Variants in NT5M observed in about 807,000 individuals in gnomAD.
NT5M encodes the protein 5'(3')-deoxyribonucleotidase, mitochondrial.
A neutral mutation model predicts 22.2 loss-of-function variants in NT5M; 22 were observed. The observed-to-expected ratio is 0.99, with a 90% CI of 0.71 to 1.41. NT5M has a LOEUF of 1.41. Ranked by LOEUF, NT5M falls within the 40% of genes most tolerant of loss-of-function variation. The pLI, the probability that NT5M is intolerant of heterozygous loss-of-function variation, is 0.00. For synonymous variants in NT5M, 167 were observed against 133.0 expected (o/e 1.26, Z -1.76); for missense variants, 322 against 314.8 (o/e 1.02, Z -0.17).
At position 17,341,794 on chromosome 17, in the gene NT5M, G is replaced by A. The variant is rs549527898; in HGVS notation, c.430-3000G>A. On this transcript the variant is annotated intron_variant, in intron 3 of 4. Transcript: ENST00000389022. ...GCCTGTAATCCCAGCACTTTGGGAGGCCACGGTGGGCGGATCACAAGGTCA... is the reference window on the plus strand; with the variant it reads ...GCCTGTAATCCCAGCACTTTGGGAGACCACGGTGGGCGGATCACAAGGTCA... 2.0e-5 allele frequency among the ~76,000 whole-genome samples: 3 copies of A among 152,326 alleles called. No homozygotes were observed. The South Asian group carries it at 6.2e-4, about 32-fold the overall frequency.
intron 2 of NT5M, among the ~76,000 whole-genome samples, chr17:17,315,983 C>T (rs2049019004): frequency 6.6e-6 from 1 of 151,796 alleles, no homozygotes; most frequent in Non-Finnish European, 1.5e-5. Flanking sequence ...TCTCGATCTC[C>T]TGACCTTGTG....
intron 2 of NT5M, among the ~76,000 whole-genome samples, chr17:17,322,363 C>T (rs1387350707): frequency 1.3e-5 from 2 of 151,968 alleles, no homozygotes; most frequent in Non-Finnish European, 2.9e-5. Context: ...GGGAGGTGCT[C>T]CCTTCGTGTG....
intron 3 of NT5M, among the ~76,000 whole-genome samples, chr17:17,328,888 A>G (rs1429964755): frequency 1.3e-5 from 2 of 152,194 alleles, no homozygotes; most frequent in Non-Finnish European, 2.9e-5. Flanking sequence ...ATAGTTAACA[A>G]TAGCCAAGCT....
intron 3 of NT5M, among the ~76,000 whole-genome samples, chr17:17,334,312 G>GT (rs1322352291): frequency 1.3e-5 from 2 of 150,514 alleles, no homozygotes; most frequent in Admixed American, 6.6e-5. Flanking sequence ...AAAATGGAGA[G>GT]GTTTTTTTTT....
intron 2 of NT5M, among the ~76,000 whole-genome samples, chr17:17,312,572 A>G (rs1381153476): frequency 7.0e-6 from 1 of 143,870 alleles, no homozygotes; most frequent in Non-Finnish European, 1.5e-5. Context: ...TGCACCTGGG[A>G]GGTGGAGGCT....
At position 17,347,474 on chromosome 17, in the gene NT5M, A is replaced by G. The variant is rs1242362017; in HGVS notation, c.*527A>G. The stretch of plus-strand genomic sequence containing the variant: ...CCACATGACCTTCTGTGTATTCAGC[A>G]AACACTCACTAGGTGACAGCGGCCA... On this transcript the variant is annotated 3_prime_UTR_variant, in exon 5 of 5. Transcript: ENST00000389022. The G allele has an allele frequency of 1.3e-5, 2 of 158,896 alleles. No individual in the cohort carries two copies. Among genetic ancestry groups the G allele is most frequent in the East Asian group, 1.9e-4 (1 of 5,224 alleles). The allele number at this position is 158,896 out of a possible 1,614,324, so 9.8% of individuals were successfully genotyped here.
intron 1 of NT5M, among the ~76,000 whole-genome samples, chr17:17,304,636 T>A (rs2048755020): frequency 6.6e-6 from 1 of 152,190 alleles, no homozygotes; most frequent in South Asian, 2.1e-4. Flanking sequence ...GCCCGTTTTT[T>A]AGCCACAAGT....
chr17:17,313,512 T>A (rs2048962128), intron 2 of NT5M, among the ~76,000 whole-genome samples: 2 of 152,144 alleles, frequency 1.3e-5, no homozygotes, highest in Admixed American at 1.3e-4. Flanking sequence ...TAACTGTGTA[T>A]CTGGTGCTGA....
In NT5M at chr17:17,303,729, G is replaced by A; in HGVS notation, c.179G>A (p.Arg60His). The change falls in exon 1 of 5, where the codon CGC (arginine) becomes CAC (histidine). Residue 60 changes from arginine to histidine, a missense_variant. By Grantham distance (29) the Arg-to-His change is conservative. Transcript: ENST00000389022. ...EGGFLRKFRA[R>H]FPDQPFIALE... ...GGATTCCTCAGGAAGTTCCGCGCGCGCTTTCCCGACCAGCCCTTCATCGCG... is the reference window on the plus strand; with the variant it reads ...GGATTCCTCAGGAAGTTCCGCGCGCACTTTCCCGACCAGCCCTTCATCGCG... The A allele has an allele frequency of 6.3e-7, 1 of 1,591,022 alleles. No individual in the cohort carries two copies. The highest frequency in any genetic ancestry group is 1.1e-5 in the South Asian group (1 of 88,116).
At chr17:17,329,656 G>A (rs2049335498) in intron 3 of NT5M, among the ~76,000 whole-genome samples, 1 of 152,088 alleles carries the variant, frequency 6.6e-6, no homozygotes, top group African/African-American at 2.4e-5. Flanking sequence ...CTGATTCGAC[G>A]TTGATTTTTA....
chr17:17,306,595 C>G lies in NT5M; in HGVS notation c.320C>G (p.Pro107Arg). Residue 107 changes from proline (P) to arginine (R), a missense_variant, in exon 2 of 5, where the codon CCT (proline) becomes CGT (arginine). Pro to Arg is a moderately radical substitution (Grantham distance 103, BLOSUM62 -2). Coordinates refer to ENST00000389022, the MANE Select transcript of NT5M (RefSeq NM_020201.4). The stretch of plus-strand genomic sequence containing the variant: ...AAGAATTTCTTTTTTGAACTTGAGC[C>G]TCTGCCAGGGGCCGTGGAAGCTGTC... Reference protein sequence around the residue: ...ESKNFFFELEPLPGAVEAVKE... With the variant: ...ESKNFFFELERLPGAVEAVKE... The G allele has an allele frequency of 6.2e-7, 1 of 1,614,046 alleles. No homozygotes were observed. The highest frequency in any genetic ancestry group is 8.5e-7 in the Non-Finnish European group (1 of 1,179,996).
chr17:17,304,760 C>T (rs1168571204), intron 1 of NT5M, among the ~76,000 whole-genome samples: 1 of 152,178 alleles, frequency 6.6e-6, no homozygotes, highest in Admixed American at 6.5e-5. Flanking sequence ...AAACCCAAGT[C>T]TGTCTGCCTC....
At chr17:17,307,705 A>G (rs2048835305) in intron 2 of NT5M, among the ~76,000 whole-genome samples, 1 of 152,062 alleles carries the variant, frequency 6.6e-6, no homozygotes, top group Non-Finnish European at 1.5e-5. Context: ...AAATATAAAA[A>G]CTTAGCTGGG....
At chr17:17,340,269 A>G (rs2049609529) in intron 3 of NT5M, among the ~76,000 whole-genome samples, 1 of 152,182 alleles carries the variant, frequency 6.6e-6, no homozygotes, top group Non-Finnish European at 1.5e-5. Flanking sequence ...ATTGGCATGT[A>G]GTTGCCCATA....
At chr17:17,316,449 C>G (rs945888857) in intron 2 of NT5M, among the ~76,000 whole-genome samples, 1 of 151,472 alleles carries the variant, frequency 6.6e-6, no homozygotes, top group African/African-American at 2.4e-5. Context: ...GATCTTGGCT[C>G]GCTGCAACCT....
rs914846502 is a variant in NT5M, at chr17:17,303,828, C to G, written c.267+11C>G. On this transcript the variant is annotated intron_variant, in intron 1 of 4. Transcript: ENST00000389022. ...CGGCCAGGGCTGAGCGTGAGCGTCC[C>G]CGCCCCGCCCCGCGCCGGGCCTCCT... 5 of 1,382,332 alleles carry G rather than the reference C, an allele frequency of 3.6e-6. No homozygotes were observed. The highest frequency in any genetic ancestry group is 4.7e-6 in the Non-Finnish European group (5 of 1,055,858). The allele number at this position is 1,382,332 out of a possible 1,614,324, so 85.6% of individuals were successfully genotyped here.
rs146784708 is a variant in NT5M at position 17,304,266 on chromosome 17, T to C, written c.267+449T>C. 9.9e-4 allele frequency: 314 copies of C among 315,754 alleles called. 1 individual carries two copies. Among genetic ancestry groups the C allele is most frequent in the Non-Finnish European group, 1.3e-3 (288 of 218,354 alleles). 19.6% of individuals were successfully genotyped at this position (315,754 alleles called of 1,614,324 possible). A position where few individuals can be genotyped will look rare whatever the true frequency, so the allele number is the denominator to read the frequency against. On this transcript the variant is annotated intron_variant, in intron 1 of 4. Transcript: ENST00000389022. ...CATGAAAGCATAGCTTCCAGGGGTA[T>C]TTGAGGCCCAGAGAGGTTGTGTGAC...
chr17:17,317,962 CAAA>C (rs35320589), intron 2 of NT5M, among the ~76,000 whole-genome samples: 1 of 74,076 alleles, frequency 1.3e-5, no homozygotes. Flanking sequence ...ACTCCATGAT[CAAA>C]AAAAAAAAAA....
Position 17,303,946 on chromosome 17 carries a change from TG to T in NT5M, c.267+136del, listed in dbSNP as rs550442410. ...GGTGGCCCTCTGATAGAATAGGGTC[TG>T]GGGGGGACTAGGGGCCACAGCGCAC... is the stretch of plus-strand genomic sequence containing the variant. On this transcript the variant is annotated intron_variant, in intron 1 of 4. Transcript: ENST00000389022. 7 of 1,282,032 alleles carry T rather than the reference TG, an allele frequency of 5.5e-6. No individual in the cohort carries two copies. The South Asian group carries it at 7.1e-5, about 13-fold the overall frequency. 79.4% of individuals were successfully genotyped at this position (1,282,032 alleles called of 1,614,324 possible).
Sources: allele counts gnomAD v4.1 joint callset (sites outside exome capture counted in the v4.1 genomes callset), GRCh38; gene constraint gnomAD v4.1.1; transcripts MANE v1.5; gene names NCBI Gene and HGNC (gene_info 2026-07-23, HGNC 2026-07-21).